The following DOCK7 variants were observed in gnomAD, a reference collection of about 807,000 sequenced individuals.
DOCK7 encodes dedicator of cytokinesis 7.
A neutral mutation model predicts 271.0 loss-of-function variants in DOCK7; 138 were observed. The ratio of observed to expected loss-of-function variants is 0.51; its 90% CI spans 0.44 to 0.59. DOCK7 has a LOEUF of 0.59. Ranked by LOEUF, DOCK7 falls within the 20% of genes least tolerant of loss-of-function variation. The probability of loss-of-function intolerance (pLI) is 0.00; values close to 1 mark genes in which losing one functional copy is unlikely to be tolerated. For synonymous variants in DOCK7, 823 were observed against 876.1 expected, an observed-to-expected ratio of 0.94 and a Z score of 1.07; for missense variants, 2,066 against 2,592.4, an observed-to-expected ratio of 0.80 and a Z score of 4.41.
chr1:62,504,329 TACTTAA>T (rs1454249305), intron 37 of DOCK7, among the ~76,000 whole-genome samples: 5 of 152,280 alleles, frequency 3.3e-5, no homozygotes. Flanking sequence ...CAAGCCAAGA[TACTTAA>T]ACTTGTATTT....
rs1395772946 is a variant in DOCK7, at chr1:62,631,544, A to G, written c.1117-139T>C. On this transcript the variant is annotated intron_variant, in intron 10 of 49. Transcript: ENST00000635253. ...AGAAAAAAATCTGTACCTTACAGAG[A>G]TGAAGTATTAGTGCAATATCTTAAC... The G allele has an allele frequency of 4.4e-6, 3 of 685,582 alleles. No homozygotes were observed. In the African/African-American group the frequency reaches 5.5e-5, roughly 13 times the overall value. 42.5% of individuals were successfully genotyped at this position (685,582 alleles called of 1,614,324 possible).
rs745335867 is a variant in DOCK7, at chr1:62,619,936, G to A, written c.1483C>T (p.Pro495Ser). 7 of 1,613,566 alleles carry A rather than the reference G, an allele frequency of 4.3e-6. No homozygotes were observed. In the South Asian group the frequency reaches 7.7e-5, roughly 18 times the overall value. ...CTTAGTCGCCGTAAGACAGAAGATG[G>A]CCTTCTCATATCAGCAAGGAATTTG... ...LYKFLADMRR[P>S]SSVLRRLRPI... is the part of the protein sequence containing the mutation. Residue 495 changes from proline (P) to serine (S), a missense_variant, in exon 13 of 50, where the codon CCA becomes TCA. Transcript: ENST00000635253.
chr1:62,681,333 A>G (rs1455338248), intron 1 of DOCK7, among the ~76,000 whole-genome samples: 1 of 145,262 alleles, frequency 6.9e-6, no homozygotes, highest in Non-Finnish European at 1.5e-5. Flanking sequence ...GGAATTGAAC[A>G]ATGAGAACAT....
chr1:62,455,489 A>G, intron 49 of DOCK7, 33 bp from the exon 50 acceptor site: 1 of 1,606,570 alleles, frequency 6.2e-7, no homozygotes, highest in Non-Finnish European at 8.5e-7. Context: ...TAGTTAGTTA[A>G]AGAGAACAAT....
intron 18 of DOCK7, among the ~76,000 whole-genome samples, chr1:62,562,382 T>C (rs1027697035): frequency 6.6e-6 from 1 of 151,920 alleles, no homozygotes; most frequent in African/African-American, 2.4e-5. Context: ...GCCCAGCTAA[T>C]TTTTGTATTT....
At chr1:62,543,779 C>T (rs973677258) in intron 23 of DOCK7, 34 bp from the exon 24 acceptor site, 7 of 1,508,084 alleles carry the variant, frequency 4.6e-6, no homozygotes, top group African/African-American at 1.4e-5. Flanking sequence ...GACGAGATAA[C>T]ATTAACGTTT....
At position 62,604,031 on chromosome 1, in the gene DOCK7, C is replaced by T. The variant is rs1650556634; in HGVS notation, c.1682+14675G>A. The T allele has an allele frequency of 4.3e-6, 7 of 1,612,654 alleles. No homozygotes were observed. Among genetic ancestry groups the T allele is most frequent in the African/African-American group, 1.3e-5 (1 of 74,756 alleles). The stretch of plus-strand genomic sequence containing the variant: ...AGTGAAGCAATCTAATTATGTTTTA[C>T]GAATTGAGTTGGAAGACTGGAAAGA... On this transcript the variant is annotated intron_variant, in intron 14 of 49. Coordinates refer to ENST00000635253, the MANE Select transcript of DOCK7 (RefSeq NM_001367561.1).
At position 62,555,854 on chromosome 1, in the gene DOCK7, G is replaced by T. The variant is rs1441263605; in HGVS notation, c.2567C>A (p.Pro856Gln). ...ASYIHYVFRL[P>Q]NTYPNSSSPG... The stretch of plus-strand genomic sequence containing the variant: ...TGATGATGAATTAGGGTAAGTATTT[G>T]GTAGGCGGAAAACATAATGAATATA... The change falls in exon 21 of 50, where the codon CCA becomes CAA. Residue 856 changes from proline (P) to glutamine (Q), a missense_variant. Pro to Gln is a moderately conservative substitution (Grantham distance 76). Transcript: ENST00000635253. 12 of 1,612,938 alleles carry T rather than the reference G, an allele frequency of 7.4e-6. No homozygotes were observed. Among genetic ancestry groups the T allele is most frequent in the Non-Finnish European group, 1.0e-5 (12 of 1,179,692 alleles).
chr1:62,533,046 CTGA>C (rs2149380459), intron 29 of DOCK7, among the ~76,000 whole-genome samples: 1 of 152,264 alleles, frequency 6.6e-6, no homozygotes, highest in African/African-American at 2.4e-5. Context: ...TATCACTGAG[CTGA>C]TGATATTACT....
At chr1:62,677,726 T>C (rs74076905) in intron 1 of DOCK7, among the ~76,000 whole-genome samples, 12 of 152,310 alleles carry the variant, frequency 7.9e-5, no homozygotes, top group African/African-American at 2.9e-4. Flanking sequence ...TCTTAATTCT[T>C]ATAACAGGCT....
At chr1:62,497,936 T>C (rs1435263693) in intron 37 of DOCK7, among the ~76,000 whole-genome samples, 3 of 152,124 alleles carry the variant, frequency 2.0e-5, no homozygotes, top group Admixed American at 6.5e-5. Context: ...CCTTACTCTT[T>C]CTTCCAGCCA....
At chr1:62,659,574 T>C (rs1658431964) in intron 2 of DOCK7, among the ~76,000 whole-genome samples, 2 of 152,138 alleles carry the variant, frequency 1.3e-5, no homozygotes, top group African/African-American at 4.8e-5. Flanking sequence ...AATTTATACA[T>C]TGTATTATAA....
chr1:62,496,818 C>T (rs1646637243), intron 37 of DOCK7, among the ~76,000 whole-genome samples: 1 of 152,066 alleles, frequency 6.6e-6, no homozygotes, highest in African/African-American at 2.4e-5. Flanking sequence ...GGTTAAATAG[C>T]TTGACTGACA....
chr1:62,456,931 G>A (rs1185998504), intron 49 of DOCK7, among the ~76,000 whole-genome samples: 3 of 152,096 alleles, frequency 2.0e-5, no homozygotes, highest in Admixed American at 2.0e-4. Context: ...ATGTAAATTC[G>A]ATTTCAAAAT....
chr1:62,523,375 A>G (rs918953721), intron 31 of DOCK7, among the ~76,000 whole-genome samples: 1 of 152,194 alleles, frequency 6.6e-6, no homozygotes, highest in African/African-American at 2.4e-5. Context: ...AAATAAATAA[A>G]TGAACCTGGA....
chr1:62,622,762 C>G (rs1266805462), intron 12 of DOCK7, among the ~76,000 whole-genome samples: 1 of 152,010 alleles, frequency 6.6e-6, no homozygotes, highest in Non-Finnish European at 1.5e-5. Context: ...AACCCTGTCT[C>G]TACTAAAAAT....
intron 14 of DOCK7, among the ~76,000 whole-genome samples, chr1:62,588,594 AG>A (rs1470417674): frequency 6.6e-6 from 1 of 152,140 alleles, no homozygotes. Flanking sequence ...CTAGCGCCTT[AG>A]TCATATTTAG....
intron 1 of DOCK7, among the ~76,000 whole-genome samples, chr1:62,673,979 T>C (rs1660282597): frequency 1.3e-5 from 2 of 151,842 alleles, no homozygotes; most frequent in African/African-American, 4.8e-5. Context: ...GAGGGATGGA[T>C]TAAAGGCATT....
intron 22 of DOCK7, among the ~76,000 whole-genome samples, chr1:62,550,179 A>T (rs1016439260): frequency 7.2e-5 from 11 of 152,156 alleles, no homozygotes; most frequent in Admixed American, 3.3e-4. Flanking sequence ...TTTAGGGAGA[A>T]ACTGATGATG....
Sources: allele counts gnomAD v4.1 joint callset (sites outside exome capture counted in the v4.1 genomes callset), GRCh38; gene constraint gnomAD v4.1.1; transcripts MANE v1.5; gene names NCBI Gene and HGNC (gene_info 2026-07-23, HGNC 2026-07-21).